EPB41L4B: variants seen among roughly 807,000 people sequenced by gnomAD.
The protein encoded by EPB41L4B is band 4.1-like protein 4B.
EPB41L4B carries 30 observed loss-of-function variants against 112.5 expected under a neutral mutation model. The ratio of observed to expected loss-of-function variants is 0.27; its 90% CI spans 0.20 to 0.36. The LOEUF (loss-of-function observed/expected upper bound fraction) is 0.36. EPB41L4B is among the 10% of genes least tolerant of loss of function. The pLI is 1.00. For synonymous variants in EPB41L4B, 408 were observed against 439.7 expected (o/e 0.93, Z 0.90); for missense variants, 1,024 against 1,133.3 (o/e 0.90, Z 1.38).
At chr9:109,219,643 C>T (rs1478365668) in intron 15 of EPB41L4B, among the ~76,000 whole-genome samples, 1 of 152,122 alleles carries the variant, frequency 6.6e-6, no homozygotes, top group Non-Finnish European at 1.5e-5. Context: ...CGTGAGCCAC[C>T]GTGCCTGGCC....
rs557750912 is a variant in EPB41L4B at position 109,233,807 on chromosome 9, C to T, written c.1409+9811G>A. Among the ~76,000 whole-genome samples the T allele has an allele frequency of 1.7e-3, 252 of 152,298 alleles. 1 individual carries two copies. Among genetic ancestry groups the T allele is most frequent in the African/African-American group, 5.5e-3 (229 of 41,558 alleles). The stretch of plus-strand genomic sequence containing the variant: ...TCGGCCTCCCAAAGTGCTACGATTA[C>T]AGGCATGAGCCACCACGCTTAGCCT... On this transcript the variant is annotated intron_variant, in intron 15 of 25. Transcript: ENST00000374566.
chr9:109,320,592 A>G lies in EPB41L4B; in HGVS notation c.-146T>C. 1 of 276,102 alleles carries G rather than the reference A, an allele frequency of 3.6e-6. No individual in the cohort carries two copies. The highest frequency in any genetic ancestry group is 1.3e-4 in the South Asian group (1 of 7,854). 17.1% of individuals were successfully genotyped at this position (276,102 alleles called of 1,614,324 possible). A position where few individuals can be genotyped will look rare whatever the true frequency, so the allele number is the denominator to read the frequency against. On this transcript the variant is annotated 5_prime_UTR_variant, in exon 1 of 26. Coordinates refer to ENST00000374566, the MANE Select transcript of EPB41L4B (RefSeq NM_019114.5). ...CTCTCGCGGGCTACGGCCCGGGGCAAGCCCGCGCCGAGGCCGAGGCCGCGC... is the reference window on the plus strand; with the variant it reads ...CTCTCGCGGGCTACGGCCCGGGGCAGGCCCGCGCCGAGGCCGAGGCCGCGC...
intron 2 of EPB41L4B, 125 bp downstream of exon 2, chr9:109,279,692 G>T: frequency 2.6e-6 from 2 of 779,706 alleles, no homozygotes; most frequent in Non-Finnish European, 4.1e-6. Flanking sequence ...CCATCCCAAT[G>T]CCTGTTACTG....
intron 2 of EPB41L4B, 109 bp downstream of exon 2, chr9:109,279,707 AG>A (rs1229425170): frequency 5.0e-5 from 44 of 886,906 alleles, no homozygotes; most frequent in Non-Finnish European, 1.9e-5. Flanking sequence ...TTACTGGCAC[AG>A]TATCACAGTT....
chr9:109,238,418 C>T (rs1232860151), intron 15 of EPB41L4B, among the ~76,000 whole-genome samples: 2 of 152,172 alleles, frequency 1.3e-5, no homozygotes, highest in Non-Finnish European at 2.9e-5. Flanking sequence ...GTTCAGATAC[C>T]TTCAGACCAG....
chr9:109,285,016 T>C (rs1836217146), intron 1 of EPB41L4B, among the ~76,000 whole-genome samples: 1 of 152,192 alleles, frequency 6.6e-6, no homozygotes, highest in African/African-American at 2.4e-5. Flanking sequence ...CACCACCAAC[T>C]GCGACCTTAA....
chr9:109,293,533 C>A (rs1473870202), intron 1 of EPB41L4B, among the ~76,000 whole-genome samples: 1 of 151,774 alleles, frequency 6.6e-6, no homozygotes, highest in African/African-American at 2.4e-5. Context: ...CAGGCACCCG[C>A]CACCACGCTC....
At chr9:109,227,727 G>A (rs539564520) in intron 15 of EPB41L4B, among the ~76,000 whole-genome samples, 109 of 152,058 alleles carry the variant, frequency 7.2e-4, no homozygotes, top group Admixed American at 6.9e-3. Context: ...GACTACAGGC[G>A]TGCATCACCA....
At chr9:109,297,136 C>G (rs916203150) in intron 1 of EPB41L4B, among the ~76,000 whole-genome samples, 11 of 147,770 alleles carry the variant, frequency 7.4e-5, no homozygotes, top group Non-Finnish European at 1.2e-4. Context: ...GACACACAGA[C>G]ACCAGGGACA....
intron 1 of EPB41L4B, among the ~76,000 whole-genome samples, chr9:109,286,443 C>G (rs1836283586): frequency 6.6e-6 from 1 of 152,166 alleles, no homozygotes; most frequent in Non-Finnish European, 1.5e-5. Context: ...GAACTGTGTG[C>G]ACTGCCAAAG....
chr9:109,207,908 T>A lies in EPB41L4B; in HGVS notation c.1878+16A>T, dbSNP rs755137029. On this transcript the variant is annotated intron_variant, in intron 18 of 25. Transcript: ENST00000374566. The stretch of plus-strand genomic sequence containing the variant: ...CCTATAACATGAAATCAAAGGAATG[T>A]ATGCATTCTGCGCACCTGGATGTTC... 3.7e-6 allele frequency: 6 copies of A among 1,613,882 alleles called. No individual in the cohort carries two copies. Among genetic ancestry groups the A allele is most frequent in the Non-Finnish European group, 5.1e-6 (6 of 1,179,984 alleles).
intron 14 of EPB41L4B, among the ~76,000 whole-genome samples, chr9:109,246,295 G>C (rs574494989): frequency 2.0e-5 from 3 of 152,242 alleles, no homozygotes; most frequent in African/African-American, 7.2e-5. Flanking sequence ...CCAGATACTT[G>C]GGAGGCTGAG....
intron 1 of EPB41L4B, among the ~76,000 whole-genome samples, chr9:109,291,443 C>T (rs2119181021): frequency 6.6e-6 from 1 of 152,280 alleles, no homozygotes; most frequent in Non-Finnish European, 1.5e-5. Flanking sequence ...GTCTGAAGGG[C>T]AGGAAAGCTG....
chr9:109,282,802 T>C (rs1302949056), intron 1 of EPB41L4B, among the ~76,000 whole-genome samples: 1 of 152,156 alleles, frequency 6.6e-6, no homozygotes, highest in Non-Finnish European at 1.5e-5. Flanking sequence ...GCGATTCTGC[T>C]GCCTCAGCCT....
At chr9:109,192,641 A>G (rs1467379084) in intron 21 of EPB41L4B, among the ~76,000 whole-genome samples, 1 of 152,068 alleles carries the variant, frequency 6.6e-6, no homozygotes, top group Non-Finnish European at 1.5e-5. Flanking sequence ...TTTGGGGAAA[A>G]AACACTTGAA....
chr9:109,232,002 T>C (rs1833966781), intron 15 of EPB41L4B, among the ~76,000 whole-genome samples: 1 of 148,870 alleles, frequency 6.7e-6, no homozygotes, highest in African/African-American at 2.4e-5. Context: ...CTGGGTTTCT[T>C]TTTTTTTTTG....
At chr9:109,317,180 C>T (rs1272267872) in intron 1 of EPB41L4B, among the ~76,000 whole-genome samples, 1 of 152,158 alleles carries the variant, frequency 6.6e-6, no homozygotes, top group Non-Finnish European at 1.5e-5. Context: ...GGGCTCCAAG[C>T]CCTGTCAGAA....
intron 17 of EPB41L4B, among the ~76,000 whole-genome samples, chr9:109,210,267 A>G (rs980048724): frequency 6.6e-6 from 1 of 152,238 alleles, no homozygotes; most frequent in African/African-American, 2.4e-5. Context: ...TGAGGTTTAC[A>G]GTATACCCTT....
intron 25 of EPB41L4B, among the ~76,000 whole-genome samples, chr9:109,176,338 T>A (rs893486507): frequency 2.0e-5 from 3 of 152,202 alleles, no homozygotes; most frequent in Admixed American, 6.5e-5. Flanking sequence ...AGGCTGGTCT[T>A]GAACTCCTGA....
Sources: gnomAD v4.1 joint callset for allele counts (sites outside exome capture counted in the v4.1 genomes callset) on GRCh38, gnomAD v4.1.1 for gene constraint, MANE v1.5 for transcripts, NCBI Gene and HGNC (gene_info 2026-07-23, HGNC 2026-07-21) for gene names.